The following AHRR variants were observed in gnomAD, a reference collection of about 807,000 sequenced individuals.
AHRR encodes aryl hydrocarbon receptor repressor, also known as ahR repressor.
AHRR carries 28 observed loss-of-function variants against 44.0 expected under a neutral mutation model. The ratio of observed to expected loss-of-function variants is 0.64; its 90% CI spans 0.47 to 0.87. The LOEUF is 0.87. AHRR is among the 40% of genes least tolerant of loss of function. AHRR has a pLI of 0.00. For missense variants in AHRR, 990 were observed against 953.9 expected, an observed-to-expected ratio of 1.04 and a Z score of -0.50; for synonymous variants, 434 against 407.0, an observed-to-expected ratio of 1.07 and a Z score of -0.80.
chr5:425,951 A>C lies in AHRR; in HGVS notation c.709-1856A>C, dbSNP rs552194747. ...ATGCGGGTGTCATGGAAGCTCCCTC[A>C]TGCCACCCACAGGGCCAACTGAAAA... On this transcript the variant is annotated intron_variant, in intron 7 of 10. Coordinates refer to ENST00000684583, the MANE Select transcript of AHRR (RefSeq NM_001377236.1). Among the ~76,000 whole-genome samples the C allele has an allele frequency of 7.2e-5, 11 of 152,298 alleles. No individual in the cohort carries two copies. In the South Asian group the frequency reaches 1.5e-3, roughly 20 times the overall value.
intron 4 of AHRR, among the ~76,000 whole-genome samples, 162 bp from the exon 5 acceptor site, chr5:413,182 G>A (rs1560914192): frequency 6.6e-6 from 1 of 152,308 alleles, no homozygotes; most frequent in African/African-American, 2.4e-5. Context: ...CTTGGAGCCT[G>A]TGACAAAATG....
At chr5:385,224 G>A (rs1354745849) in intron 4 of AHRR, among the ~76,000 whole-genome samples, 1 of 152,020 alleles carries the variant, frequency 6.6e-6, no homozygotes, top group Non-Finnish European at 1.5e-5. Context: ...GCCCAGGCTG[G>A]AGTGCAGTGG....
intron 4 of AHRR, among the ~76,000 whole-genome samples, chr5:397,463 A>G: frequency 1.5e-5 from 1 of 64,638 alleles, no homozygotes; most frequent in Non-Finnish European, 3.0e-5. Context: ...TTAGCCCCTG[A>G]CCATCCACAT....
At chr5:398,158 C>T (rs868590783) in intron 4 of AHRR, among the ~76,000 whole-genome samples, 992 of 98,594 alleles carry the variant, frequency 0.01, 9 homozygotes, top group Admixed American at 0.014. Flanking sequence ...TGACCATCCA[C>T]GTAGCCCCTG....
rs1742228697 is a variant in AHRR at position 338,809 on chromosome 5, A to C, written c.-10-5084A>C. On this transcript the variant is annotated intron_variant, in intron 1 of 10. Coordinates refer to ENST00000684583, the MANE Select transcript of AHRR (RefSeq NM_001377236.1). This position sits in a 1 kb window ranked among gnomAD's most constrained non-coding sequence, Gnocchi z 4.1. ...GAGCTTCTTGGGTCTGTAGGTTTAC[A>C]ATTCTCATTACATTTGGAAAAAATT... 6.6e-6 allele frequency among the ~76,000 whole-genome samples: 1 copy of C among 152,180 alleles called. No individual in the cohort carries two copies. The highest frequency in any genetic ancestry group is 3.2e-3 in the Middle Eastern group (1 of 316).
chr5:353,815 C>G lies in AHRR; in HGVS notation c.148C>G (p.Leu50Val), dbSNP rs1742946341. Residue 50 changes from leucine to valine, a missense_variant, in exon 3 of 11, where the codon CTG becomes GTG. Leu to Val is a conservative substitution (Grantham distance 32). Transcript: ENST00000684583. ...CGCCGAGTTGGACCACCTGGCCAGCCTGCTGCCGTTCCCGCCTGACATCAT... is the reference window on the plus strand; with the variant it reads ...CGCCGAGTTGGACCACCTGGCCAGCGTGCTGCCGTTCCCGCCTGACATCAT... Reference protein sequence around the residue: ...LNAELDHLASLLPFPPDIISK... With the variant: ...LNAELDHLASVLPFPPDIISK... 1.9e-6 allele frequency: 3 copies of G among 1,613,938 alleles called. No homozygotes were observed. In the Admixed American group the frequency reaches 5.0e-5, roughly 27 times the overall value.
rs1007081978 is a variant in AHRR at position 388,270 on chromosome 5, C to T, written c.351+11554C>T. On this transcript the variant is annotated intron_variant, in intron 4 of 10. Coordinates refer to ENST00000684583, the MANE Select transcript of AHRR (RefSeq NM_001377236.1). The surrounding 1 kb of genome is among the most constrained non-coding windows in gnomAD (Gnocchi z 5.2). ...TGGGGCAGAAACTCAGGCCTCCCCC[C>T]GTCCCGAACCCAAGCCCTGAACTGC... is the stretch of plus-strand genomic sequence containing the variant. 6.6e-6 allele frequency among the ~76,000 whole-genome samples: 1 copy of T among 152,308 alleles called. No homozygotes were observed. Among genetic ancestry groups the T allele is most frequent in the Admixed American group, 6.5e-5 (1 of 15,304 alleles).
chr5:367,865 G>C, intron 3 of AHRR: 1 of 702,600 alleles, frequency 1.4e-6, no homozygotes, highest in Non-Finnish European at 2.6e-6. Context: ...GGCGAACGAA[G>C]GCCCATGTCG....
chr5:418,704 C>T (rs115999723), intron 5 of AHRR: 7,018 of 152,318 alleles, frequency 0.046, 272 homozygotes, highest in African/African-American at 0.1. Context: ...GTCAGCAGGG[C>T]GGGACTGCAG....
intron 8 of AHRR, among the ~76,000 whole-genome samples, chr5:429,076 G>T (rs1054803266): frequency 6.6e-6 from 1 of 152,244 alleles, no homozygotes. Flanking sequence ...TGCCCTTGGG[G>T]ATTCGTGTCT....
rs1742680735 is a variant in AHRR, at chr5:346,425, A to G, written c.62+2461A>G. 3.9e-5 allele frequency among the ~76,000 whole-genome samples: 6 copies of G among 152,226 alleles called. No homozygotes were observed. In the South Asian group the frequency reaches 1.2e-3, roughly 32 times the overall value. On this transcript the variant is annotated intron_variant, in intron 2 of 10. Coordinates refer to ENST00000684583, the MANE Select transcript of AHRR (RefSeq NM_001377236.1). ...TTTGCAGTGGAATAAAAACACAATA[A>G]AAGCAGGAAATTTCGTTCTGATTCT...
intron 4 of AHRR, among the ~76,000 whole-genome samples, chr5:402,912 G>T (rs1219264408): frequency 1.3e-5 from 2 of 152,212 alleles, no homozygotes; most frequent in African/African-American, 4.8e-5. Context: ...GAACCTGGAG[G>T]ACATGGTGCT....
At position 435,601 on chromosome 5, in the gene AHRR, G is replaced by C. The variant is rs1267192773; in HGVS notation, c.*767G>C. On this transcript the variant is annotated 3_prime_UTR_variant, in exon 11 of 11. Transcript: ENST00000684583. ...CTGGACATCTCCCGAGTTCTCAGTG[G>C]GTCTCTGCGGACGGTTCTTCCTAAT... The C allele has an allele frequency of 6.6e-6, 1 of 152,298 alleles. No homozygotes were observed. The highest frequency in any genetic ancestry group is 1.5e-5 in the Non-Finnish European group (1 of 68,046). The allele number at this position is 152,298 out of a possible 1,614,324, so 9.4% of individuals were successfully genotyped here. A position where few individuals can be genotyped will look rare whatever the true frequency, so the allele number is the denominator to read the frequency against.
intron 3 of AHRR, among the ~76,000 whole-genome samples, chr5:366,198 T>G (rs1743355400): frequency 6.6e-6 from 1 of 152,074 alleles, no homozygotes; most frequent in Admixed American, 6.5e-5. Flanking sequence ...CTAGGGCTTT[T>G]GGGGCTCTTT....
rs558023374 is a variant in AHRR at position 412,384 on chromosome 5, G to A, written c.352-960G>A. On this transcript the variant is annotated intron_variant, in intron 4 of 10. Transcript: ENST00000684583. Reference sequence around the variant, plus strand: ...CACTAGAGGGTCTTCAGGGTGAGGCGGACCAGGCCTTCCAGAAGCACGTCA... The same window carrying A: ...CACTAGAGGGTCTTCAGGGTGAGGCAGACCAGGCCTTCCAGAAGCACGTCA... Among the ~76,000 whole-genome samples, 20 of 152,256 alleles carry A rather than the reference G, an allele frequency of 1.3e-4. No homozygotes were observed. In the South Asian group the frequency reaches 3.3e-3, roughly 25 times the overall value.
intron 2 of AHRR, among the ~76,000 whole-genome samples, chr5:348,377 A>C (rs1158502806): frequency 6.6e-6 from 1 of 151,552 alleles, no homozygotes; most frequent in Non-Finnish European, 1.5e-5. Context: ...GTATAATTGA[A>C]GTATACGTAT....
rs190125120 is a variant in AHRR at position 433,825 on chromosome 5, T to G, written c.1113-28T>G. The G allele has an allele frequency of 6.1e-6, 9 of 1,474,188 alleles. No individual in the cohort carries two copies. The African/African-American group carries it at 1.2e-4, about 19-fold the overall frequency. The allele number at this position is 1,474,188 out of a possible 1,614,324, so 91.3% of individuals were successfully genotyped here. A position where few individuals can be genotyped will look rare whatever the true frequency, so the allele number is the denominator to read the frequency against. ...CCAGACCTGGTGTCTTCAGCTGCTG[T>G]CAAATGGGCCCCGTCTTTTCTCTGC... On this transcript the variant is annotated intron_variant, in intron 10 of 10. Transcript: ENST00000684583.
intron 1 of AHRR, among the ~76,000 whole-genome samples, chr5:323,415 C>T (rs151106508): frequency 0.01 from 1,596 of 152,334 alleles, 17 homozygotes; most frequent in Non-Finnish European, 0.013. Context: ...CACCCCCTCG[C>T]ATCTCTGCCA....
In AHRR at chr5:338,253, T is replaced by G. The variant is rs1026963131; in HGVS notation, c.-10-5640T>G. 6.6e-6 allele frequency among the ~76,000 whole-genome samples: 1 copy of G among 152,218 alleles called. No individual in the cohort carries two copies. Among genetic ancestry groups the G allele is most frequent in the Non-Finnish European group, 1.5e-5 (1 of 68,038 alleles). ...CCTCTAGTAGTCAGTTCTTGCGCTT[T>G]TTGTGCCATGTTGTAGACCCATACT... On this transcript the variant is annotated intron_variant, in intron 1 of 10. Coordinates refer to ENST00000684583, the MANE Select transcript of AHRR (RefSeq NM_001377236.1). The surrounding 1 kb of genome is among the most constrained non-coding windows in gnomAD (Gnocchi z 4.1).
Sources: allele counts gnomAD v4.1 joint callset (sites outside exome capture counted in the v4.1 genomes callset), GRCh38; gene constraint gnomAD v4.1.1; non-coding constraint Gnocchi (gnomAD v3.1); transcripts MANE v1.5; gene names NCBI Gene and HGNC (gene_info 2026-07-23, HGNC 2026-07-21).